The following MICU1 variants were observed in gnomAD, a reference collection of about 807,000 sequenced individuals.
The protein encoded by MICU1 is calcium uptake protein 1, mitochondrial.
A neutral mutation model predicts 56.8 loss-of-function variants in MICU1; 45 were observed. The ratio of observed to expected loss-of-function variants is 0.79; its 90% CI spans 0.62 to 1.02. MICU1 has a LOEUF of 1.02. Ranked by LOEUF, MICU1 falls within the 50% of genes least tolerant of loss-of-function variation. The pLI is 0.00. For missense variants in MICU1, 504 were observed against 587.1 expected, an observed-to-expected ratio of 0.86 and a Z score of 1.46; for synonymous variants, 186 against 195.1, an observed-to-expected ratio of 0.95 and a Z score of 0.39.
chr10:72,431,968 G>C (rs1259755352), intron 8 of MICU1, among the ~76,000 whole-genome samples: 1 of 151,560 alleles, frequency 6.6e-6, no homozygotes, highest in African/African-American at 2.4e-5. Context: ...CATATGTAGT[G>C]GTCATTTATA....
chr10:72,597,251 T>C (rs913529790), intron 1 of MICU1, among the ~76,000 whole-genome samples: 1 of 152,244 alleles, frequency 6.6e-6, no homozygotes, highest in Non-Finnish European at 1.5e-5. Flanking sequence ...GCTCACACTA[T>C]TCTCCAAAAC....
At chr10:72,383,245 C>CAAAA (rs56293812) in intron 10 of MICU1, among the ~76,000 whole-genome samples, 1 of 119,112 alleles carries the variant, frequency 8.4e-6, no homozygotes, top group Non-Finnish European at 1.6e-5. Context: ...GACCCTGTCT[C>CAAAA]AAAAAAAAAA....
intron 9 of MICU1, among the ~76,000 whole-genome samples, chr10:72,420,397 G>A (rs944182460): frequency 1.3e-5 from 2 of 152,108 alleles, no homozygotes; most frequent in Non-Finnish European, 2.9e-5. Flanking sequence ...GCCTTCCGCC[G>A]TGATTGTGAG....
intron 8 of MICU1, among the ~76,000 whole-genome samples, chr10:72,447,439 T>C (rs1865140397): frequency 6.6e-6 from 1 of 152,166 alleles, no homozygotes; most frequent in South Asian, 2.1e-4. Flanking sequence ...AAATTGTATA[T>C]TACTGTTTCT....
At chr10:72,470,169 T>C (rs966312481) in intron 8 of MICU1, among the ~76,000 whole-genome samples, 4 of 152,074 alleles carry the variant, frequency 2.6e-5, no homozygotes, top group Non-Finnish European at 5.9e-5. Flanking sequence ...TAATCAAATA[T>C]CACATAGCCA....
At chr10:72,558,070 C>T (rs564675291) in intron 3 of MICU1, among the ~76,000 whole-genome samples, 1 of 152,146 alleles carries the variant, frequency 6.6e-6, no homozygotes, top group African/African-American at 2.4e-5. Flanking sequence ...GCAAAGCTAT[C>T]AGAAATATAA....
At chr10:72,494,113 G>T (rs890698903) in intron 6 of MICU1, among the ~76,000 whole-genome samples, 2 of 152,096 alleles carry the variant, frequency 1.3e-5, no homozygotes, top group African/African-American at 4.8e-5. Flanking sequence ...CTAAGCTTAG[G>T]AAAGACTTTA....
intron 8 of MICU1, among the ~76,000 whole-genome samples, chr10:72,472,309 T>A (rs1020486593): frequency 2.0e-5 from 3 of 152,250 alleles, no homozygotes; most frequent in Admixed American, 6.5e-5. Flanking sequence ...GATTAATTTA[T>A]GACTAATTTT....
intron 2 of MICU1, among the ~76,000 whole-genome samples, chr10:72,564,854 C>T (rs1015898929): frequency 2.6e-5 from 4 of 152,128 alleles, no homozygotes; most frequent in Admixed American, 2.6e-4. Flanking sequence ...CAAGGAGCCA[C>T]AGGCCAGTCA....
chr10:72,609,352 T>C (rs1447069638), intron 1 of MICU1, among the ~76,000 whole-genome samples: 2 of 152,136 alleles, frequency 1.3e-5, no homozygotes, highest in Non-Finnish European at 2.9e-5. Context: ...CATTAAAAAG[T>C]GGTCATGCCA....
intron 6 of MICU1, among the ~76,000 whole-genome samples, chr10:72,498,639 C>T (rs1866929885): frequency 1.3e-5 from 2 of 152,132 alleles, no homozygotes; most frequent in Admixed American, 1.3e-4. Context: ...TCCCTGCTTT[C>T]CTGTTAGGCT....
intron 4 of MICU1, among the ~76,000 whole-genome samples, chr10:72,550,089 T>C (rs2132441660): frequency 6.6e-6 from 1 of 152,318 alleles, no homozygotes. Context: ...GCCTAGTGAC[T>C]TTGTACCAAT....
intron 1 of MICU1, among the ~76,000 whole-genome samples, chr10:72,586,017 T>TTTC (rs1841047379): frequency 3.1e-5 from 4 of 130,056 alleles, no homozygotes; most frequent in Non-Finnish European, 3.3e-5. Flanking sequence ...TTTTTTCTTT[T>TTTC]TTTTTTTTTT....
chr10:72,618,215 G>A (rs918638751), intron 1 of MICU1, among the ~76,000 whole-genome samples: 1 of 151,248 alleles, frequency 6.6e-6, no homozygotes, highest in Non-Finnish European at 1.5e-5. Context: ...TAGCATGGCA[G>A]AGGCAGGTTT....
chr10:72,505,933 T>A (rs1867232528), intron 6 of MICU1, among the ~76,000 whole-genome samples: 1 of 151,116 alleles, frequency 6.6e-6, no homozygotes, highest in African/African-American at 2.4e-5. Context: ...TATAACAAAC[T>A]TGTACGTGTC....
At chr10:72,492,833 T>A (rs894741290) in intron 6 of MICU1, among the ~76,000 whole-genome samples, 2 of 71,624 alleles carry the variant, frequency 2.8e-5, no homozygotes, top group Admixed American at 2.3e-4. Flanking sequence ...AAAATGTATA[T>A]GGGCCAGGTG....
At chr10:72,613,441 A>AT (rs1019477080) in intron 1 of MICU1, among the ~76,000 whole-genome samples, 105 of 150,390 alleles carry the variant, frequency 7.0e-4, no homozygotes, top group Middle Eastern at 6.8e-3. Flanking sequence ...CGCCTGGCTG[A>AT]TTTTTTTTTA....
chr10:72,504,974 T>G (rs1277523441), intron 6 of MICU1, among the ~76,000 whole-genome samples: 2 of 151,278 alleles, frequency 1.3e-5, no homozygotes, highest in Non-Finnish European at 2.9e-5. Context: ...TTATTATTAT[T>G]ATTATTATTA....
rs1245603667 is a variant in MICU1, at chr10:72,563,005, C to T, written c.220G>A (p.Gly74Arg). The T allele has an allele frequency of 6.8e-6, 11 of 1,607,240 alleles. No homozygotes were observed. The highest frequency in any genetic ancestry group is 3.4e-5 in the Admixed American group (2 of 58,980). Residue 74 changes from glycine (G) to arginine (R), a missense_variant, in exon 3 of 12, where the codon GGG (glycine) becomes AGG (arginine). Coordinates refer to ENST00000361114, the MANE Select transcript of MICU1 (RefSeq NM_001195518.2). ...ACATCCCCTTCATCTTTATTCTTCC[C>T]TTTATCACCGATGTCACTTTTTAGG... ...DNLKSDIGDK[G>R]KNKDEGDVCN...
Sources: allele counts gnomAD v4.1 joint callset (sites outside exome capture counted in the v4.1 genomes callset), GRCh38; gene constraint gnomAD v4.1.1; transcripts MANE v1.5; gene names NCBI Gene and HGNC (gene_info 2026-07-23, HGNC 2026-07-21).